The following NAV2 variants were observed in gnomAD, a reference collection of about 807,000 sequenced individuals.
NAV2 encodes helicase, APC down-regulated 1.
Under a neutral mutation model 223.2 loss-of-function variants are expected in NAV2, and 54 were observed. The observed-to-expected ratio is 0.24, with a 90% CI of 0.19 to 0.30. NAV2 has a LOEUF of 0.30. NAV2 is among the 10% of genes least tolerant of loss of function. The probability of loss-of-function intolerance (pLI) is 1.00; values close to 1 mark genes in which losing one functional copy is unlikely to be tolerated. For missense variants in NAV2, 2,806 were observed against 3,147.5 expected, an observed-to-expected ratio of 0.89 and a Z score of 2.60; for synonymous variants, 1,279 against 1,239.3, an observed-to-expected ratio of 1.03 and a Z score of -0.67.
intron 1 of NAV2, among the ~76,000 whole-genome samples, chr11:19,556,313 T>C (rs1004395851): frequency 1.3e-5 from 2 of 152,192 alleles, no homozygotes; most frequent in Non-Finnish European, 2.9e-5. Flanking sequence ...CCATTAAAAA[T>C]TATGTGTGTA....
At chr11:20,023,209 A>G (rs2054671785) in intron 11 of NAV2, 1 of 1,251,672 alleles carries the variant, frequency 8.0e-7, no homozygotes. Context: ...CTTGGCCGGT[A>G]TTGAAAAGCC....
At chr11:19,575,922 A>T (rs141723709) in intron 1 of NAV2, among the ~76,000 whole-genome samples, 1 of 152,316 alleles carries the variant, frequency 6.6e-6, no homozygotes, top group Non-Finnish European at 1.5e-5. Flanking sequence ...CCATTGTAAC[A>T]CAGAGGGCTG....
chr11:19,512,653 C>T (rs2043315153), intron 1 of NAV2, among the ~76,000 whole-genome samples: 1 of 152,120 alleles, frequency 6.6e-6, no homozygotes, highest in African/African-American at 2.4e-5. Context: ...AACTCGGGAC[C>T]AGGTGGAAGC....
At chr11:19,365,059 G>T (rs911962145) in intron 1 of NAV2, among the ~76,000 whole-genome samples, 1 of 152,160 alleles carries the variant, frequency 6.6e-6, no homozygotes, top group Admixed American at 6.5e-5. Flanking sequence ...CCCATCTGAG[G>T]TTCTTTTCCA....
intron 1 of NAV2, among the ~76,000 whole-genome samples, chr11:19,529,304 A>G (rs1055275390): frequency 3.9e-5 from 6 of 152,310 alleles, no homozygotes; most frequent in African/African-American, 1.4e-4. Flanking sequence ...ATCTCATTGC[A>G]TTGATTAACA....
chr11:20,001,726 G>A lies in NAV2; in HGVS notation c.2768+17479G>A, dbSNP rs1336395327. Among the ~76,000 whole-genome samples the A allele has an allele frequency of 3.5e-5, 5 of 141,086 alleles. 1 individual carries two copies. The highest frequency in any genetic ancestry group is 7.7e-5 in the Non-Finnish European group (5 of 64,642). 92.6% of individuals were successfully genotyped at this position (141,086 alleles called of 152,430 possible). On this transcript the variant is annotated intron_variant, in intron 11 of 37. Coordinates refer to ENST00000349880, the MANE Select transcript of NAV2 (RefSeq NM_145117.5). The stretch of plus-strand genomic sequence containing the variant: ...GTTGTGGGGTGGGGGGAGGGGGGAC[G>A]GAAAGCATTAGGAGATATACCTAAT...
intron 17 of NAV2, among the ~76,000 whole-genome samples, chr11:20,053,778 A>G (rs761106867): frequency 3.3e-5 from 5 of 152,184 alleles, no homozygotes; most frequent in African/African-American, 7.2e-5. Flanking sequence ...TTGACGTGAC[A>G]CTGTCATGAA....
intron 6 of NAV2, among the ~76,000 whole-genome samples, chr11:19,928,997 G>A (rs1399538635): frequency 6.6e-6 from 1 of 152,144 alleles, no homozygotes; most frequent in Non-Finnish European, 1.5e-5. Flanking sequence ...GCTCACACCT[G>A]TAATCCCAGC....
intron 1 of NAV2, among the ~76,000 whole-genome samples, chr11:19,423,287 G>A (rs1249999943): frequency 6.6e-6 from 1 of 152,216 alleles, no homozygotes; most frequent in Non-Finnish European, 1.5e-5. Context: ...GCTAATATGT[G>A]TAAAGTGCTA....
At chr11:19,895,083 CTTTTCT>C (rs1419872362) in intron 6 of NAV2, among the ~76,000 whole-genome samples, 8 of 134,626 alleles carry the variant, frequency 5.9e-5, no homozygotes, top group South Asian at 2.5e-4. Flanking sequence ...GATTTTCTTT[CTTTTCT>C]TTTTCTTTTT....
chr11:19,538,978 A>G (rs1262865228), intron 1 of NAV2, among the ~76,000 whole-genome samples: 2 of 152,174 alleles, frequency 1.3e-5, no homozygotes, highest in African/African-American at 4.8e-5. Context: ...TCCAATACTT[A>G]GAACAGAGCC....
chr11:20,049,358 G>A (rs2057755891), intron 15 of NAV2, 163 bp downstream of exon 15: 10 of 620,852 alleles, frequency 1.6e-5, no homozygotes, highest in Non-Finnish European at 2.5e-5. Flanking sequence ...ATGGAATCAA[G>A]CTTGGCTCTG....
At chr11:19,890,771 G>C (rs1185822832) in intron 5 of NAV2, among the ~76,000 whole-genome samples, 1 of 152,196 alleles carries the variant, frequency 6.6e-6, no homozygotes, top group African/African-American at 2.4e-5. Context: ...AGATCCCACT[G>C]CTGGACCTCC....
chr11:19,987,899 A>G (rs17614100), intron 11 of NAV2, among the ~76,000 whole-genome samples: 11,747 of 152,292 alleles, frequency 0.077, 575 homozygotes, highest in South Asian at 0.11. Flanking sequence ...CATAGGCTCC[A>G]GATAACAGAC....
intron 6 of NAV2, among the ~76,000 whole-genome samples, chr11:19,911,210 A>G (rs2043284902): frequency 6.6e-6 from 1 of 152,076 alleles, no homozygotes; most frequent in Admixed American, 6.5e-5. Flanking sequence ...AGAAACAGAC[A>G]CTTGTAATAT....
chr11:19,866,573 A>G (rs1212207116), intron 3 of NAV2, among the ~76,000 whole-genome samples: 1 of 152,216 alleles, frequency 6.6e-6, no homozygotes, highest in African/African-American at 2.4e-5. Context: ...AACAGACACT[A>G]TCATGTACTT....
intron 1 of NAV2, among the ~76,000 whole-genome samples, chr11:19,678,094 G>T (rs1243318218): frequency 6.6e-6 from 1 of 152,182 alleles, no homozygotes; most frequent in East Asian, 1.9e-4. Flanking sequence ...GGAGCGAGGG[G>T]ATGCTGACCA....
intron 1 of NAV2, among the ~76,000 whole-genome samples, chr11:19,830,395 G>A (rs1271629239): frequency 2.6e-5 from 4 of 152,164 alleles, no homozygotes; most frequent in East Asian, 1.9e-4. Context: ...TGTAAAATAG[G>A]TTAGTCTGGG....
chr11:19,578,760 T>TA (rs1378589760), intron 1 of NAV2, among the ~76,000 whole-genome samples: 5 of 152,218 alleles, frequency 3.3e-5, no homozygotes, highest in African/African-American at 1.2e-4. Flanking sequence ...TTATCTATGG[T>TA]TGTTTTTTGC....
Sources: allele counts gnomAD v4.1 joint callset (sites outside exome capture counted in the v4.1 genomes callset), GRCh38; gene constraint gnomAD v4.1.1; transcripts MANE v1.5; gene names NCBI Gene and HGNC (gene_info 2026-07-23, HGNC 2026-07-21).